Variants in CDH13 observed in about 807,000 individuals in gnomAD.
CDH13 encodes the protein cadherin-13.
In CDH13, 24 loss-of-function variants were observed where a neutral mutation model predicts 63.8. The observed-to-expected ratio is 0.38, with a 90% CI of 0.27 to 0.53. CDH13 has a LOEUF of 0.53. Ranked by LOEUF, CDH13 falls within the 20% of genes least tolerant of loss-of-function variation. The pLI is 0.85. For missense variants in CDH13, 1,049 were observed against 903.1 expected (o/e 1.16, Z -2.07); for synonymous variants, 503 against 355.3 (o/e 1.42, Z -4.67).
rs371784586 is a variant in CDH13 at position 82,700,360 on chromosome 16, C to T, written c.45+73223C>T. On this transcript the variant is annotated intron_variant, in intron 1 of 13. Transcript: ENST00000567109. ...ATGAGAATCAGTACCATGCGTAAAACGTGACCAACGTTCTATGCAGAGGAG... is the reference window on the plus strand; with the variant it reads ...ATGAGAATCAGTACCATGCGTAAAATGTGACCAACGTTCTATGCAGAGGAG... Among the ~76,000 whole-genome samples the T allele has an allele frequency of 9.8e-5, 15 of 152,328 alleles. No homozygotes were observed. In the South Asian group the frequency reaches 1.7e-3, roughly 17 times the overall value.
intron 1 of CDH13, among the ~76,000 whole-genome samples, chr16:82,649,029 A>G (rs1910427761): frequency 6.6e-6 from 1 of 152,196 alleles, no homozygotes; most frequent in African/African-American, 2.4e-5. Flanking sequence ...AATGATTCCA[A>G]CATTTTAAAG....
At chr16:83,431,754 A>G (rs1436179604) in intron 6 of CDH13, among the ~76,000 whole-genome samples, 2 of 152,132 alleles carry the variant, frequency 1.3e-5, no homozygotes, top group Non-Finnish European at 2.9e-5. Context: ...TCATGAGGAT[A>G]GCACCAAGGG....
At chr16:82,836,217 C>T (rs966447596) in intron 1 of CDH13, among the ~76,000 whole-genome samples, 4 of 152,080 alleles carry the variant, frequency 2.6e-5, no homozygotes, top group East Asian at 1.9e-4. Context: ...GGCGCGATCT[C>T]GGCTCACTGC....
intron 7 of CDH13, among the ~76,000 whole-genome samples, chr16:83,565,269 C>T (rs188123167): frequency 6.6e-6 from 1 of 152,208 alleles, no homozygotes; most frequent in East Asian, 1.9e-4. Flanking sequence ...TACTGGATGC[C>T]ATCCGAAAGA....
intron 5 of CDH13, among the ~76,000 whole-genome samples, chr16:83,263,250 C>T (rs955427005): frequency 1.3e-5 from 2 of 152,180 alleles, no homozygotes; most frequent in South Asian, 2.1e-4. Context: ...GCAACAATTC[C>T]ACCTTTTTGT....
rs527259339 is a variant in CDH13, at chr16:82,794,894, G to A, written c.46-63468G>A. On this transcript the variant is annotated intron_variant, in intron 1 of 13. Coordinates refer to ENST00000567109, the MANE Select transcript of CDH13 (RefSeq NM_001257.5). ...TTTTACCTCCCTCACTGGCACAAAAGCAACTTGTTTCCAAGATTCAGGACT... is the reference window on the plus strand; with the variant it reads ...TTTTACCTCCCTCACTGGCACAAAAACAACTTGTTTCCAAGATTCAGGACT... Among the ~76,000 whole-genome samples the A allele has an allele frequency of 2.0e-5, 3 of 152,262 alleles. No homozygotes were observed. In the South Asian group the frequency reaches 6.2e-4, roughly 32 times the overall value.
chr16:83,124,634 T>C (rs1374101773), intron 3 of CDH13, among the ~76,000 whole-genome samples: 1 of 152,120 alleles, frequency 6.6e-6, no homozygotes, highest in African/African-American at 2.4e-5. Flanking sequence ...AGAATTTTTA[T>C]AGTTGCAGGT....
At chr16:83,758,805 G>A (rs1350218510) in intron 11 of CDH13, among the ~76,000 whole-genome samples, 2 of 152,148 alleles carry the variant, frequency 1.3e-5, no homozygotes, top group South Asian at 2.1e-4. Context: ...AAATAGCAAG[G>A]TATAAATTTA....
At position 83,215,139 on chromosome 16, in the gene CDH13, C is replaced by G. The variant is rs2039459984; in HGVS notation, c.484-2206C>G. ...TCACTCAGGCTAGAGTGCAGTGGAG[C>G]AATCCCAGCTCACTGCAACCTATGC... On this transcript the variant is annotated intron_variant, in intron 4 of 13. Coordinates refer to ENST00000567109, the MANE Select transcript of CDH13 (RefSeq NM_001257.5). 2.5e-5 allele frequency among the ~76,000 whole-genome samples: 3 copies of G among 121,702 alleles called. No individual in the cohort carries two copies. The South Asian group carries it at 8.6e-4, about 35-fold the overall frequency. 79.8% of individuals were successfully genotyped at this position (121,702 alleles called of 152,430 possible). A position where few individuals can be genotyped will look rare whatever the true frequency, so the allele number is the denominator to read the frequency against.
chr16:83,265,524 A>C (rs1436443084), intron 5 of CDH13, among the ~76,000 whole-genome samples: 1 of 152,076 alleles, frequency 6.6e-6, no homozygotes, highest in African/African-American at 2.4e-5. Context: ...ACTTTATCTT[A>C]TGACCACTCT....
chr16:83,336,884 T>C (rs1427400885), intron 5 of CDH13, among the ~76,000 whole-genome samples: 1 of 152,186 alleles, frequency 6.6e-6, no homozygotes, highest in Non-Finnish European at 1.5e-5. Flanking sequence ...GCTTCTGCAT[T>C]TTGGCCTTCA....
In CDH13 at chr16:83,159,932, C is replaced by T. The variant is rs1400373755; in HGVS notation, c.483+34431C>T. On this transcript the variant is annotated intron_variant, in intron 4 of 13. Transcript: ENST00000567109. ...TCTACTAAAAATACAAAAAATTAGC[C>T]GGGCATGGTGGTGCATACCTGTAAT... 7.9e-5 allele frequency among the ~76,000 whole-genome samples: 12 copies of T among 151,910 alleles called. No homozygotes were observed. The South Asian group carries it at 1.9e-3, about 24-fold the overall frequency.
chr16:83,238,376 TTCTGAGA>T (rs2151811708), intron 5 of CDH13, among the ~76,000 whole-genome samples: 1 of 152,290 alleles, frequency 6.6e-6, no homozygotes, highest in East Asian at 1.9e-4. Flanking sequence ...CCATCAGATC[TTCTGAGA>T]CTTATTCACT....
chr16:82,804,163 G>T lies in CDH13; in HGVS notation c.46-54199G>T, dbSNP rs546154190. Among the ~76,000 whole-genome samples the T allele has an allele frequency of 3.9e-4, 59 of 152,044 alleles. 1 individual carries two copies. Among genetic ancestry groups the T allele is most frequent in the African/African-American group, 1.4e-3 (56 of 41,408 alleles). ...GAATCGCTTGAACCCAGGAGGTGGA[G>T]GTTGCAGTGAGCTGAGATCACGCTA... On this transcript the variant is annotated intron_variant, in intron 1 of 13. Coordinates refer to ENST00000567109, the MANE Select transcript of CDH13 (RefSeq NM_001257.5).
chr16:83,643,283 T>TAAAAAAAA (rs1195185794), intron 8 of CDH13, among the ~76,000 whole-genome samples: 2 of 93,832 alleles, frequency 2.1e-5, no homozygotes, highest in Non-Finnish European at 4.1e-5. Context: ...TAGAGTATAA[T>TAAAAAAAA]AAAAAAAAAA....
chr16:83,143,437 A>G (rs192336356), intron 4 of CDH13, among the ~76,000 whole-genome samples: 3 of 152,340 alleles, frequency 2.0e-5, no homozygotes, highest in Admixed American at 2.0e-4. Context: ...TGTGTTGAGG[A>G]GTGAGTTCCC....
At chr16:83,128,844 C>T (rs1197010833) in intron 4 of CDH13, among the ~76,000 whole-genome samples, 3 of 152,156 alleles carry the variant, frequency 2.0e-5, no homozygotes, top group African/African-American at 7.2e-5. Flanking sequence ...TTATGTGTTG[C>T]CCATACTTGT....
chr16:83,774,724 C>T (rs1003790256), intron 11 of CDH13, among the ~76,000 whole-genome samples: 1 of 152,140 alleles, frequency 6.6e-6, no homozygotes, highest in South Asian at 2.1e-4. Flanking sequence ...CATGGGTTCC[C>T]CAGAGTCGTC....
chr16:83,781,530 C>T (rs191601735), intron 12 of CDH13, among the ~76,000 whole-genome samples: 2 of 151,636 alleles, frequency 1.3e-5, no homozygotes, highest in Admixed American at 1.3e-4. Context: ...TGTTATAGCC[C>T]TATCTCATAT....
Sources: allele counts gnomAD v4.1 joint callset (sites outside exome capture counted in the v4.1 genomes callset), GRCh38; gene constraint gnomAD v4.1.1; transcripts MANE v1.5; gene names NCBI Gene and HGNC (gene_info 2026-07-23, HGNC 2026-07-21).